Variants in ADAMTSL1 observed in about 807,000 individuals in gnomAD.
ADAMTSL1 encodes the protein ADAMTS-like protein 1.
ADAMTSL1 carries 126 observed loss-of-function variants against 201.8 expected under a neutral mutation model. The ratio of observed to expected loss-of-function variants is 0.62; its 90% CI spans 0.54 to 0.72. ADAMTSL1 has a LOEUF of 0.72. ADAMTSL1 is among the 30% of genes least tolerant of loss of function. The pLI, the probability that ADAMTSL1 is intolerant of heterozygous loss-of-function variation, is 0.00. For synonymous variants in ADAMTSL1, 1,121 were observed against 903.4 expected (o/e 1.24, Z -4.32); for missense variants, 2,679 against 2,277.8 (o/e 1.18, Z -3.59).
intron 2 of ADAMTSL1, among the ~76,000 whole-genome samples, chr9:18,447,296 G>C (rs1820228305): frequency 6.6e-6 from 1 of 152,162 alleles, no homozygotes; most frequent in Non-Finnish European, 1.5e-5. Flanking sequence ...AGCAAAGAGA[G>C]CCTGGAAATG....
chr9:18,177,035 C>T (rs1346244250), intron 2 of ADAMTSL1, among the ~76,000 whole-genome samples: 1 of 152,160 alleles, frequency 6.6e-6, no homozygotes, highest in Non-Finnish European at 1.5e-5. Context: ...TTGCTTTGCA[C>T]CCTCAATTGC....
At chr9:18,419,043 G>T (rs1818821450) in intron 2 of ADAMTSL1, among the ~76,000 whole-genome samples, 1 of 152,126 alleles carries the variant, frequency 6.6e-6, no homozygotes, top group Non-Finnish European at 1.5e-5. Flanking sequence ...ATATAAATGT[G>T]GCCAATTGAT....
Position 18,857,489 on chromosome 9 carries a change from A to C in ADAMTSL1, c.4249+27512A>C, listed in dbSNP as rs1045289745. Among the ~76,000 whole-genome samples, 4 of 152,176 alleles carry C rather than the reference A, an allele frequency of 2.6e-5. No homozygotes were observed. In the South Asian group the frequency reaches 8.3e-4, roughly 32 times the overall value. On this transcript the variant is annotated intron_variant, in intron 23 of 28. Coordinates refer to ENST00000380548, the MANE Select transcript of ADAMTSL1 (RefSeq NM_001040272.6). ...GTGCCTGATGTTTCCACATGATTAG[A>C]TGAGTCTTTGTTGTGAGACTTTGGC...
intron 1 of ADAMTSL1, among the ~76,000 whole-genome samples, chr9:18,024,725 G>A (rs547197232): frequency 8.5e-5 from 13 of 152,108 alleles, no homozygotes; most frequent in South Asian, 2.1e-4. Context: ...TGCAATGAAC[G>A]TACGAGTACG....
At chr9:18,218,375 C>G (rs1363658227) in intron 2 of ADAMTSL1, among the ~76,000 whole-genome samples, 1 of 152,086 alleles carries the variant, frequency 6.6e-6, no homozygotes, top group African/African-American at 2.4e-5. Flanking sequence ...GCTGCTAATT[C>G]TTACTGTAAT....
At chr9:18,792,032 G>T (rs141334753) in intron 19 of ADAMTSL1, among the ~76,000 whole-genome samples, 1 of 152,112 alleles carries the variant, frequency 6.6e-6, no homozygotes, top group Non-Finnish European at 1.5e-5. Flanking sequence ...GTAGGAGAGG[G>T]TTACATCCTC....
intron 23 of ADAMTSL1, among the ~76,000 whole-genome samples, chr9:18,846,892 T>G (rs1351582276): frequency 6.7e-6 from 1 of 150,336 alleles, no homozygotes; most frequent in Non-Finnish European, 1.5e-5. Flanking sequence ...ATTTGGGGGG[T>G]TTTTCTCACT....
In ADAMTSL1 at chr9:18,474,154, G is replaced by C; in HGVS notation, c.-79G>C. On this transcript the variant is annotated 5_prime_UTR_variant, in exon 1 of 29. Transcript: ENST00000380548. ...AGGCAGGACTGGAGTGTTAGCACCA[G>C]TACTGGATGTGACAGCAGGCAGAGG... The C allele has an allele frequency of 1.5e-6, 2 of 1,305,104 alleles. 1 individual carries two copies. Among genetic ancestry groups the C allele is most frequent in the South Asian group, 2.4e-5 (2 of 82,912 alleles). 80.8% of individuals were successfully genotyped at this position (1,305,104 alleles called of 1,614,324 possible).
intron 12 of ADAMTSL1, among the ~76,000 whole-genome samples, chr9:18,683,232 T>TTTTG (rs1830619006): frequency 6.7e-6 from 1 of 150,250 alleles, no homozygotes; most frequent in South Asian, 2.1e-4. Context: ...TTTTTTTTGT[T>TTTTG]TTTTTTTTTT....
intron 2 of ADAMTSL1, among the ~76,000 whole-genome samples, chr9:18,332,882 A>G (rs996538438): frequency 3.3e-5 from 5 of 151,884 alleles, no homozygotes; most frequent in African/African-American, 1.2e-4. Context: ...TAAAATCCCA[A>G]CTCTGGCACT....
At chr9:18,254,588 CT>C (rs935191329) in intron 2 of ADAMTSL1, among the ~76,000 whole-genome samples, 1 of 151,670 alleles carries the variant, frequency 6.6e-6, no homozygotes, top group African/African-American at 2.4e-5. Flanking sequence ...TGGTCTCGAT[CT>C]CCTGACTTCG....
intron 23 of ADAMTSL1, among the ~76,000 whole-genome samples, chr9:18,877,830 G>A (rs895541685): frequency 6.6e-6 from 1 of 152,110 alleles, no homozygotes. Context: ...CAGGGCCACA[G>A]ATCTCCCAAG....
At chr9:18,710,004 T>C (rs1564169875) in intron 14 of ADAMTSL1, among the ~76,000 whole-genome samples, 1 of 152,158 alleles carries the variant, frequency 6.6e-6, no homozygotes, top group Admixed American at 6.5e-5. Context: ...CCTGAGAGCA[T>C]ATATTAGCTC....
At chr9:18,874,499 G>A (rs1459020926) in intron 23 of ADAMTSL1, among the ~76,000 whole-genome samples, 2 of 152,056 alleles carry the variant, frequency 1.3e-5, no homozygotes, top group Non-Finnish European at 2.9e-5. Context: ...TAATCCTAAA[G>A]CAATACTGGA....
At chr9:18,651,369 C>T (rs565338193) in intron 7 of ADAMTSL1, 1 of 152,360 alleles carries the variant, frequency 6.6e-6, no homozygotes, top group South Asian at 2.1e-4. Flanking sequence ...TCCAACTCAG[C>T]TCTACCTGTT....
At chr9:18,493,523 G>A (rs1039689379) in intron 1 of ADAMTSL1, among the ~76,000 whole-genome samples, 2 of 152,110 alleles carry the variant, frequency 1.3e-5, no homozygotes, top group African/African-American at 4.8e-5. Context: ...TCAGTGACAG[G>A]CTCCCTTTGG....
At chr9:18,720,248 A>G (rs1833249800) in intron 14 of ADAMTSL1, among the ~76,000 whole-genome samples, 1 of 152,174 alleles carries the variant, frequency 6.6e-6, no homozygotes, top group African/African-American at 2.4e-5. Context: ...CCTCAGCTTT[A>G]CCATTTACAA....
chr9:18,650,901 T>G (rs1828200604), intron 7 of ADAMTSL1, among the ~76,000 whole-genome samples: 1 of 152,198 alleles, frequency 6.6e-6, no homozygotes, highest in South Asian at 2.1e-4. Context: ...GGAATGGTAA[T>G]AAAATACTCC....
At chr9:18,270,320 T>C (rs955687936) in intron 2 of ADAMTSL1, among the ~76,000 whole-genome samples, 3 of 152,054 alleles carry the variant, frequency 2.0e-5, no homozygotes, top group African/African-American at 7.2e-5. Context: ...CCCAATACCA[T>C]CATCGAGAGG....
Sources: gnomAD v4.1 joint callset for allele counts (sites outside exome capture counted in the v4.1 genomes callset) on GRCh38, gnomAD v4.1.1 for gene constraint, MANE v1.5 for transcripts, NCBI Gene and HGNC (gene_info 2026-07-23, HGNC 2026-07-21) for gene names.